The following NTN1 variants were observed in gnomAD, a reference collection of about 807,000 sequenced individuals.
NTN1 encodes the protein netrin-1.
Under a neutral mutation model 54.2 loss-of-function variants are expected in NTN1, and 11 were observed. The observed-to-expected ratio is 0.20, with a 90% CI of 0.13 to 0.34. The LOEUF (loss-of-function observed/expected upper bound fraction) is 0.34. Among genes scored for constraint, NTN1 ranks in the 10% least tolerant of loss-of-function variants. The pLI is 1.00. For missense variants in NTN1, 740 were observed against 893.1 expected (o/e 0.83, Z 2.18); for synonymous variants, 371 against 382.0 (o/e 0.97, Z 0.33).
intron 5 of NTN1, among the ~76,000 whole-genome samples, chr17:9,210,679 A>C (rs1364019818): frequency 6.6e-6 from 1 of 152,066 alleles, no homozygotes; most frequent in African/African-American, 2.4e-5. Context: ...GGCCGAGGCA[A>C]GCGGATCACC....
At chr17:9,042,619 T>A (rs2151513604) in intron 2 of NTN1, among the ~76,000 whole-genome samples, 1 of 152,130 alleles carries the variant, frequency 6.6e-6, no homozygotes, top group East Asian at 1.9e-4. Flanking sequence ...AAACCCCGTC[T>A]CCACTAAAAA....
Position 9,021,530 on chromosome 17 carries a change from C to G in NTN1, c.-119C>G, listed in dbSNP as rs928752547. 1 of 151,996 alleles carries G rather than the reference C, an allele frequency of 6.6e-6. No individual in the cohort carries two copies. Among genetic ancestry groups the G allele is most frequent in the African/African-American group, 2.4e-5 (1 of 41,350 alleles). The allele number at this position is 151,996 out of a possible 1,614,324, so 9.4% of individuals were successfully genotyped here. ...CCCTCACTCCCAGCGCGAGTGGCGGCGGCGGCGGAGCCTTCGGGGGCGAGC... is the reference window on the plus strand; with the variant it reads ...CCCTCACTCCCAGCGCGAGTGGCGGGGGCGGCGGAGCCTTCGGGGGCGAGC... On this transcript the variant is annotated 5_prime_UTR_variant, in exon 1 of 7. Transcript: ENST00000173229.
chr17:9,188,816 G>A (rs1180502985), intron 5 of NTN1, among the ~76,000 whole-genome samples: 1 of 152,202 alleles, frequency 6.6e-6, no homozygotes, highest in Non-Finnish European at 1.5e-5. Context: ...GAGAAAGGGA[G>A]CTGTGGGGTC....
upstream of NTN1, among the ~76,000 whole-genome samples, chr17:9,020,753 C>T (rs915203057): frequency 1.3e-5 from 2 of 152,206 alleles, no homozygotes; most frequent in African/African-American, 4.8e-5. Context: ...TGCCTGAGAC[C>T]AGGCAGGCCC....
At chr17:9,026,967 G>A (rs1348727342) in intron 2 of NTN1, among the ~76,000 whole-genome samples, 1 of 152,014 alleles carries the variant, frequency 6.6e-6, no homozygotes, top group Non-Finnish European at 1.5e-5. Flanking sequence ...CCTCTTAATG[G>A]TCATAGGTAC....
intron 2 of NTN1, among the ~76,000 whole-genome samples, chr17:9,145,427 A>G (rs1307122166): frequency 6.6e-6 from 1 of 152,178 alleles, no homozygotes; most frequent in African/African-American, 2.4e-5. Context: ...AAACCAACTG[A>G]GTCACAGGGT....
At chr17:9,144,544 C>T (rs993080167) in intron 2 of NTN1, among the ~76,000 whole-genome samples, 5 of 152,156 alleles carry the variant, frequency 3.3e-5, no homozygotes, top group South Asian at 4.1e-4. Context: ...GGCTTAGGCT[C>T]CCAGAGGGTG....
intron 2 of NTN1, among the ~76,000 whole-genome samples, chr17:9,139,244 C>T (rs144557650): frequency 1.9e-4 from 29 of 152,210 alleles, no homozygotes; most frequent in African/African-American, 7.0e-4. Flanking sequence ...TCTGATCAGA[C>T]AATAAATGAG....
chr17:9,035,894 C>T (rs1242624893), intron 2 of NTN1, among the ~76,000 whole-genome samples: 2 of 152,132 alleles, frequency 1.3e-5, no homozygotes, highest in African/African-American at 2.4e-5. Context: ...TGGTGGTGCA[C>T]GCCTGTAATC....
chr17:9,218,855 G>T (rs535674660), intron 5 of NTN1, among the ~76,000 whole-genome samples: 1 of 152,056 alleles, frequency 6.6e-6, no homozygotes, highest in East Asian at 1.9e-4. Context: ...GAGGAGGCCG[G>T]TGAAAGGGAT....
chr17:9,222,896 G>GTT (rs1905409918), intron 6 of NTN1, among the ~76,000 whole-genome samples: 1 of 152,020 alleles, frequency 6.6e-6, no homozygotes, highest in South Asian at 2.1e-4. Context: ...GTGTGTGTGT[G>GTT]TATGTGAGAG....
At chr17:9,118,120 G>T (rs1353040989) in intron 2 of NTN1, among the ~76,000 whole-genome samples, 2 of 152,238 alleles carry the variant, frequency 1.3e-5, no homozygotes, top group Non-Finnish European at 2.9e-5. Flanking sequence ...TGTAAAAGGG[G>T]TATAATGTCA....
intron 2 of NTN1, among the ~76,000 whole-genome samples, chr17:9,068,979 G>A (rs553260637): frequency 1.1e-3 from 165 of 152,204 alleles, no homozygotes; most frequent in African/African-American, 3.9e-3. Flanking sequence ...TTCCCAGCTG[G>A]TGCCTTGCAC....
chr17:9,151,877 C>T (rs893248575), intron 2 of NTN1, among the ~76,000 whole-genome samples: 8 of 152,128 alleles, frequency 5.3e-5, no homozygotes, highest in Non-Finnish European at 1.0e-4. Context: ...CCAATCAGCG[C>T]TCTGTAAAAC....
chr17:9,147,109 C>G (rs945082136), intron 2 of NTN1, among the ~76,000 whole-genome samples: 4 of 152,176 alleles, frequency 2.6e-5, no homozygotes, highest in Non-Finnish European at 5.9e-5. Context: ...CTAGATAACT[C>G]AGGACATCAT....
At chr17:9,080,601 T>C (rs571129620) in intron 2 of NTN1, among the ~76,000 whole-genome samples, 1 of 152,240 alleles carries the variant, frequency 6.6e-6, no homozygotes, top group South Asian at 2.1e-4. Flanking sequence ...GATTGGTTGG[T>C]GGCTGGCAGC....
At chr17:9,100,923 C>G (rs538052706) in intron 2 of NTN1, among the ~76,000 whole-genome samples, 1 of 152,304 alleles carries the variant, frequency 6.6e-6, no homozygotes, top group South Asian at 2.1e-4. Flanking sequence ...TTAGTTCATG[C>G]TGTTCCTCCC....
intron 2 of NTN1, among the ~76,000 whole-genome samples, chr17:9,119,562 A>C (rs2092225685): frequency 6.6e-6 from 1 of 152,014 alleles, no homozygotes; most frequent in Non-Finnish European, 1.5e-5. Context: ...GCAGTGGTGC[A>C]GTCATGGCTC....
At position 9,030,472 on chromosome 17, in the gene NTN1, C is replaced by T. The variant is rs574803329; in HGVS notation, c.1018+7081C>T. ...GAAGAAAGATGATTCTGTGGCTGGA[C>T]GCAGTGGCTCACGCCTGTAATCCCA... On this transcript the variant is annotated intron_variant, in intron 2 of 6. Transcript: ENST00000173229. 1.3e-3 allele frequency among the ~76,000 whole-genome samples: 193 copies of T among 152,316 alleles called. 3 individuals are homozygous for T. Among genetic ancestry groups the T allele is most frequent in the African/African-American group, 4.5e-3 (185 of 41,568 alleles).
Sources: allele counts gnomAD v4.1 joint callset (sites outside exome capture counted in the v4.1 genomes callset), GRCh38; gene constraint gnomAD v4.1.1; transcripts MANE v1.5; gene names NCBI Gene and HGNC (gene_info 2026-07-23, HGNC 2026-07-21).